ZCCHC24: variants seen among roughly 807,000 people sequenced by gnomAD.
ZCCHC24 encodes the protein zinc finger CCHC domain-containing protein 24.
ZCCHC24 carries 10 observed loss-of-function variants against 26.2 expected under a neutral mutation model. The observed-to-expected ratio is 0.38, with a 90% CI of 0.24 to 0.65. The LOEUF is 0.65. Among genes scored for constraint, ZCCHC24 ranks in the 30% least tolerant of loss-of-function variants. The pLI is 0.54. For missense variants in ZCCHC24, 243 were observed against 329.1 expected, an observed-to-expected ratio of 0.74 and a Z score of 2.03; for synonymous variants, 144 against 147.1, an observed-to-expected ratio of 0.98 and a Z score of 0.15.
intron 2 of ZCCHC24, among the ~76,000 whole-genome samples, chr10:79,400,066 C>T (rs962093995): frequency 9.9e-5 from 15 of 152,280 alleles, no homozygotes; most frequent in African/African-American, 3.6e-4. Context: ...TAAAGGCCAA[C>T]CAGGCAGGTG....
At chr10:79,395,805 A>G (rs569167806) in intron 2 of ZCCHC24, among the ~76,000 whole-genome samples, 1 of 152,172 alleles carries the variant, frequency 6.6e-6, no homozygotes, top group South Asian at 2.1e-4. Context: ...GAAACTAGCT[A>G]TCTCCCACAC....
In ZCCHC24 at chr10:79,432,739, TAC is replaced by T; in HGVS notation, c.264_265del (p.Tyr89GlnfsTer200). The T allele has an allele frequency of 6.2e-7, 1 of 1,609,124 alleles. No individual in the cohort carries two copies. Among genetic ancestry groups the T allele is most frequent in the Non-Finnish European group, 8.5e-7 (1 of 1,178,316 alleles). The stretch of plus-strand genomic sequence containing the variant: ...GGAGCCATAGGGTGAGGCGCCCTTG[TAC>T]ACACTGTTGCTCAGCGCCTGTGGGA... On this transcript the variant is annotated frameshift_variant, in exon 2 of 4. Coordinates refer to ENST00000372336, the MANE Select transcript of ZCCHC24 (RefSeq NM_153367.4). LOFTEE classifies it high-confidence loss of function.
chr10:79,416,004 G>A (rs1182505486), intron 2 of ZCCHC24, among the ~76,000 whole-genome samples: 1 of 152,224 alleles, frequency 6.6e-6, no homozygotes, highest in Non-Finnish European at 1.5e-5. Context: ...GGACTGGGGT[G>A]GAGCCTGAGG....
At chr10:79,419,003 A>G (rs969875128) in intron 2 of ZCCHC24, among the ~76,000 whole-genome samples, 3 of 152,218 alleles carry the variant, frequency 2.0e-5, no homozygotes, top group African/African-American at 7.2e-5. Flanking sequence ...GAGGCTGAGA[A>G]GCCCAAGGGG....
In ZCCHC24 at chr10:79,425,243, C is replaced by T. The variant is rs571459217; in HGVS notation, c.447+7315G>A. ...CAAAACGAGATACCAGGCGACCCTG[C>T]AGGCAGGCCCAGCAGATATCAACCA... On this transcript the variant is annotated intron_variant, in intron 2 of 3. Coordinates refer to ENST00000372336, the MANE Select transcript of ZCCHC24 (RefSeq NM_153367.4). Among the ~76,000 whole-genome samples, 7 of 152,338 alleles carry T rather than the reference C, an allele frequency of 4.6e-5. No homozygotes were observed. In the South Asian group the frequency reaches 1.5e-3, roughly 32 times the overall value.
intron 2 of ZCCHC24, among the ~76,000 whole-genome samples, chr10:79,418,221 G>A (rs892830703): frequency 6.6e-6 from 1 of 152,214 alleles, no homozygotes; most frequent in African/African-American, 2.4e-5. Context: ...AGTTCTCAAA[G>A]CGCGTTCACC....
chr10:79,417,811 T>G (rs72820309), intron 2 of ZCCHC24, among the ~76,000 whole-genome samples: 151 of 152,218 alleles, frequency 9.9e-4, no homozygotes, highest in African/African-American at 3.4e-3. Context: ...CTGCACCTGC[T>G]GCCCCGTTTC....
intron 2 of ZCCHC24, among the ~76,000 whole-genome samples, chr10:79,419,655 T>A (rs1856912789): frequency 6.6e-6 from 1 of 152,168 alleles, no homozygotes; most frequent in African/African-American, 2.4e-5. Context: ...TTTCTGGCAT[T>A]CAGAGGAGGC....
rs1856390913 is a variant in ZCCHC24, at chr10:79,386,222, A to G, written c.*123T>C. ...CAAGGACGCTAAGAGCCCCCGGCCC[A>G]GCCCCGCAGGCCTGCGAGGGCACCC... On this transcript the variant is annotated 3_prime_UTR_variant, in exon 4 of 4. Transcript: ENST00000372336. 6.0e-6 allele frequency: 5 copies of G among 839,182 alleles called. No individual in the cohort carries two copies. Among genetic ancestry groups the G allele is most frequent in the East Asian group, 2.7e-5 (1 of 37,324 alleles). 52.0% of individuals were successfully genotyped at this position (839,182 alleles called of 1,614,324 possible).
rs1378893772 is a variant in ZCCHC24 at position 79,384,160 on chromosome 10, T to TA, written c.*2184dup. ...TCTGCACAGATGGCAGGGCAGTGGC[T>TA]ACCTGCTGAACAGCTCACTGGCAAG... On this transcript the variant is annotated 3_prime_UTR_variant, in exon 4 of 4. Coordinates refer to ENST00000372336, the MANE Select transcript of ZCCHC24 (RefSeq NM_153367.4). 2 of 152,414 alleles carry TA rather than the reference T, an allele frequency of 1.3e-5. No homozygotes were observed. The highest frequency in any genetic ancestry group is 2.4e-5 in the African/African-American group (1 of 41,458). 9.4% of individuals were successfully genotyped at this position (152,414 alleles called of 1,614,324 possible). A position where few individuals can be genotyped will look rare whatever the true frequency, so the allele number is the denominator to read the frequency against.
chr10:79,402,831 G>A (rs1303006645), intron 2 of ZCCHC24, among the ~76,000 whole-genome samples: 4 of 152,180 alleles, frequency 2.6e-5, no homozygotes, highest in Non-Finnish European at 4.4e-5. Context: ...CGGCCTCTCC[G>A]TGAGACGGTT....
At chr10:79,398,185 G>A (rs1313730708) in intron 2 of ZCCHC24, among the ~76,000 whole-genome samples, 1 of 152,134 alleles carries the variant, frequency 6.6e-6, no homozygotes, top group Non-Finnish European at 1.5e-5. Flanking sequence ...GCTCCAACAC[G>A]CCATTGCATG....
intron 1 of ZCCHC24, among the ~76,000 whole-genome samples, chr10:79,434,047 C>G (rs927728587): frequency 1.3e-5 from 2 of 152,232 alleles, no homozygotes; most frequent in East Asian, 1.9e-4. Context: ...TGGTCCTCAT[C>G]ATCTGGGTGC....
At chr10:79,437,554 C>T (rs1030166896) in intron 1 of ZCCHC24, among the ~76,000 whole-genome samples, 2 of 152,222 alleles carry the variant, frequency 1.3e-5, no homozygotes, top group Non-Finnish European at 2.9e-5. Flanking sequence ...ATATTTCAGC[C>T]TCTACATGGC....
At chr10:79,398,057 G>A (rs7075805) in intron 2 of ZCCHC24, among the ~76,000 whole-genome samples, 3,146 of 152,316 alleles carry the variant, frequency 0.021, 123 homozygotes, top group African/African-American at 0.072. Context: ...GGAGCCGTCC[G>A]TCAGGGCGTG....
At chr10:79,412,250 G>T (rs1301216939) in intron 2 of ZCCHC24, among the ~76,000 whole-genome samples, 2 of 152,248 alleles carry the variant, frequency 1.3e-5, no homozygotes, top group Non-Finnish European at 2.9e-5. Context: ...AGTGGCCAAG[G>T]CAGACCCATG....
intron 3 of ZCCHC24, among the ~76,000 whole-genome samples, chr10:79,393,820 C>G (rs1856508144): frequency 6.6e-6 from 1 of 152,076 alleles, no homozygotes; most frequent in Non-Finnish European, 1.5e-5. Context: ...AGCTTCCCCC[C>G]ATCCTCCAGG....
At chr10:79,393,904 A>G (rs1305031692) in intron 3 of ZCCHC24, among the ~76,000 whole-genome samples, 3 of 151,948 alleles carry the variant, frequency 2.0e-5, no homozygotes, top group Non-Finnish European at 4.4e-5. Context: ...TCCTAGGAGG[A>G]GCTGGCCCTA....
chr10:79,416,821 T>C (rs1856867926), intron 2 of ZCCHC24, among the ~76,000 whole-genome samples: 1 of 151,790 alleles, frequency 6.6e-6, no homozygotes, highest in African/African-American at 2.4e-5. Flanking sequence ...ATAAGAAGAG[T>C]GTCCAGCACA....
Sources: allele counts gnomAD v4.1 joint callset (sites outside exome capture counted in the v4.1 genomes callset), GRCh38; gene constraint gnomAD v4.1.1; transcripts MANE v1.5; gene names NCBI Gene and HGNC (gene_info 2026-07-23, HGNC 2026-07-21).